PCSK2: variants seen among roughly 807,000 people sequenced by gnomAD.
PCSK2 encodes proprotein convertase subtilisin/kexin type 2.
A neutral mutation model predicts 69.7 loss-of-function variants in PCSK2; 14 were observed. The observed-to-expected ratio is 0.20, with a 90% CI of 0.13 to 0.31. The LOEUF (loss-of-function observed/expected upper bound fraction) is 0.31, where lower values mean the gene tolerates loss of function less well. PCSK2 is among the 10% of genes least tolerant of loss of function. The probability of loss-of-function intolerance (pLI) is 1.00; values close to 1 mark genes in which losing one functional copy is unlikely to be tolerated. For missense variants in PCSK2, 544 were observed against 842.5 expected (o/e 0.65, Z 4.39); for synonymous variants, 307 against 320.7 (o/e 0.96, Z 0.46).
chr20:17,249,234 C>T (rs1057302041), intron 1 of PCSK2, among the ~76,000 whole-genome samples: 19 of 152,088 alleles, frequency 1.2e-4, no homozygotes, highest in Admixed American at 1.0e-3. Flanking sequence ...AAGTCGGGCG[C>T]GGTGGCTCAC....
chr20:17,345,877 G>A (rs917910407), intron 2 of PCSK2, among the ~76,000 whole-genome samples: 1 of 152,188 alleles, frequency 6.6e-6, no homozygotes, highest in Non-Finnish European at 1.5e-5. Flanking sequence ...TGGGGCTGGG[G>A]TACCATCATT....
At chr20:17,460,818 A>G (rs1186720902) in intron 10 of PCSK2, among the ~76,000 whole-genome samples, 3 of 152,244 alleles carry the variant, frequency 2.0e-5, no homozygotes, top group Non-Finnish European at 2.9e-5. Context: ...TATGTGATAT[A>G]TGTTATCATT....
rs944988879 is a variant in PCSK2 at position 17,478,232 on chromosome 20, T to G, written c.1431-3352T>G. Reference sequence around the variant, plus strand: ...TCCTCCCGTGTAAAACAACTGTTTTTTTTCCTTCCCCAAATATTAATACTT... The same window carrying G: ...TCCTCCCGTGTAAAACAACTGTTTTGTTTCCTTCCCCAAATATTAATACTT... On this transcript the variant is annotated intron_variant, in intron 11 of 11. Transcript: ENST00000262545. Among the ~76,000 whole-genome samples the G allele has an allele frequency of 2.0e-5, 3 of 152,104 alleles. No individual in the cohort carries two copies. In the East Asian group the frequency reaches 5.8e-4, roughly 29 times the overall value.
At chr20:17,476,862 C>T (rs116449552) in intron 11 of PCSK2, among the ~76,000 whole-genome samples, 20 of 152,282 alleles carry the variant, frequency 1.3e-4, no homozygotes, top group African/African-American at 4.6e-4. Flanking sequence ...TACCCCGACC[C>T]GCAAAGTTGG....
intron 4 of PCSK2, among the ~76,000 whole-genome samples, chr20:17,368,028 C>T (rs890237991): frequency 1.2e-4 from 18 of 151,886 alleles, no homozygotes; most frequent in Non-Finnish European, 2.5e-4. Context: ...ACACACGTAC[C>T]GTAGATTAGT....
intron 2 of PCSK2, among the ~76,000 whole-genome samples, chr20:17,337,439 C>T (rs763164795): frequency 1.8e-4 from 27 of 152,170 alleles, no homozygotes; most frequent in Non-Finnish European, 2.6e-4. Flanking sequence ...CCTTGGAGCA[C>T]ATTTTCAGCA....
intron 2 of PCSK2, among the ~76,000 whole-genome samples, chr20:17,334,524 G>C (rs1166168793): frequency 6.6e-6 from 1 of 152,182 alleles, no homozygotes; most frequent in African/African-American, 2.4e-5. Flanking sequence ...ATTCTTACGG[G>C]GGGGCAATGA....
intron 11 of PCSK2, among the ~76,000 whole-genome samples, chr20:17,471,702 C>G (rs1213271055): frequency 1.3e-5 from 2 of 152,228 alleles, no homozygotes; most frequent in African/African-American, 2.4e-5. Flanking sequence ...AACTTGTTCT[C>G]AGATGCAGAT....
intron 2 of PCSK2, among the ~76,000 whole-genome samples, chr20:17,287,630 A>G (rs6111487): frequency 0.72 from 109,532 of 152,054 alleles, 39,769 homozygotes; most frequent in East Asian, 0.91. Context: ...CTTATGGAAG[A>G]AGGTCCTCAA....
intron 2 of PCSK2, among the ~76,000 whole-genome samples, chr20:17,315,270 A>T (rs1291828110): frequency 6.6e-6 from 1 of 151,402 alleles, no homozygotes; most frequent in Non-Finnish European, 1.5e-5. Flanking sequence ...TTGGTTGGGG[A>T]TGTGGTGGGA....
chr20:17,456,316 A>G, intron 9 of PCSK2, 32 bp from the exon 10 acceptor site: 1 of 1,174,840 alleles, frequency 8.5e-7, no homozygotes, highest in South Asian at 1.2e-5. Context: ...AGCGTGATTT[A>G]TCCACTCATT....
chr20:17,269,435 A>G (rs1410816012), intron 2 of PCSK2, among the ~76,000 whole-genome samples: 2 of 152,216 alleles, frequency 1.3e-5, no homozygotes, highest in East Asian at 3.8e-4. Context: ...ATTGTGTTCT[A>G]GCTCGTCTAC....
intron 2 of PCSK2, among the ~76,000 whole-genome samples, chr20:17,314,303 C>A (rs1292104839): frequency 2.6e-5 from 4 of 152,112 alleles, no homozygotes; most frequent in African/African-American, 7.2e-5. Context: ...TCAGGAAAAA[C>A]CAGAGCCAGG....
intron 1 of PCSK2, among the ~76,000 whole-genome samples, chr20:17,229,996 C>T (rs147762431): frequency 2.6e-5 from 4 of 152,172 alleles, no homozygotes; most frequent in African/African-American, 7.2e-5. Context: ...GATGATACCT[C>T]CTATATTTCT....
chr20:17,315,930 C>T (rs1202914616), intron 2 of PCSK2, among the ~76,000 whole-genome samples: 1 of 152,214 alleles, frequency 6.6e-6, no homozygotes, highest in Non-Finnish European at 1.5e-5. Context: ...CGTCCACTCC[C>T]CAGGGTTAAA....
At chr20:17,330,122 G>A (rs1364800574) in intron 2 of PCSK2, among the ~76,000 whole-genome samples, 1 of 152,128 alleles carries the variant, frequency 6.6e-6, no homozygotes, top group East Asian at 1.9e-4. Flanking sequence ...ATTTTACATT[G>A]TTTTCTTGTA....
intron 2 of PCSK2, among the ~76,000 whole-genome samples, chr20:17,341,194 C>T (rs780361751): frequency 2.0e-5 from 3 of 152,258 alleles, no homozygotes; most frequent in African/African-American, 4.8e-5. Context: ...GAGCCAAGAC[C>T]GCACCACCGT....
intron 2 of PCSK2, among the ~76,000 whole-genome samples, chr20:17,337,372 GT>G (rs1990383372): frequency 2.6e-5 from 4 of 152,168 alleles, no homozygotes; most frequent in Admixed American, 2.6e-4. Flanking sequence ...TTGCTTTTCA[GT>G]TTTTGCGATG....
In PCSK2 at chr20:17,484,309, AT is replaced by A. The variant is rs1208617368; in HGVS notation, c.*2240del. On this transcript the variant is annotated 3_prime_UTR_variant, in exon 12 of 12. Transcript: ENST00000262545. ...ATGAGTATACAATATATAAAAATAT[AT>A]ATAGTGCTATATATATAAATATTTG... is the stretch of plus-strand genomic sequence containing the variant. 1 of 152,514 alleles carries A rather than the reference AT, an allele frequency of 6.6e-6. No homozygotes were observed. The highest frequency in any genetic ancestry group is 1.5e-5 in the Non-Finnish European group (1 of 67,992). The allele number at this position is 152,514 out of a possible 1,614,324, so 9.4% of individuals were successfully genotyped here.
Sources: gnomAD v4.1 joint callset for allele counts (sites outside exome capture counted in the v4.1 genomes callset) on GRCh38, gnomAD v4.1.1 for gene constraint, MANE v1.5 for transcripts, NCBI Gene and HGNC (gene_info 2026-07-23, HGNC 2026-07-21) for gene names.